The following ADGRL1 variants were observed in gnomAD, a reference collection of about 807,000 sequenced individuals.
The protein encoded by ADGRL1 is CIRL-1.
In ADGRL1, 31 loss-of-function variants were observed where a neutral mutation model predicts 148.9. The observed-to-expected ratio is 0.21, with a 90% CI of 0.16 to 0.28. The LOEUF is 0.28. Ranked by LOEUF, ADGRL1 falls within the 10% of genes least tolerant of loss-of-function variation. The pLI is 1.00. For synonymous variants in ADGRL1, 937 were observed against 900.3 expected (o/e 1.04, Z -0.73); for missense variants, 1,521 against 2,058.8 (o/e 0.74, Z 5.05).
At chr19:14,172,230 TG>T (rs1177599200) in intron 3 of ADGRL1, among the ~76,000 whole-genome samples, 1 of 152,162 alleles carries the variant, frequency 6.6e-6, no homozygotes, top group African/African-American at 2.4e-5. Flanking sequence ...GAAACCAGCC[TG>T]ACCAACATAG....
chr19:14,184,635 TTTA>T (rs1213421717), intron 1 of ADGRL1, among the ~76,000 whole-genome samples: 1 of 131,920 alleles, frequency 7.6e-6, no homozygotes, highest in African/African-American at 3.2e-5. Context: ...TATTTATTTA[TTTA>T]TTTATTTATT....
At chr19:14,190,332 TCA>T (rs1971849607) in intron 1 of ADGRL1, among the ~76,000 whole-genome samples, 1 of 152,192 alleles carries the variant, frequency 6.6e-6, no homozygotes, top group African/African-American at 2.4e-5. Context: ...AGTGGCACCA[TCA>T]AAGCTCACTG....
intron 4 of ADGRL1, among the ~76,000 whole-genome samples, chr19:14,166,815 G>A (rs559253050): frequency 1.3e-5 from 2 of 152,264 alleles, no homozygotes; most frequent in African/African-American, 2.4e-5. Flanking sequence ...AGGAGCTTCC[G>A]TGGGTATCTG....
In ADGRL1 at chr19:14,156,670, G is replaced by A; in HGVS notation, c.3021C>T (p.Ser1007=). Residue 1007 remains serine, a synonymous_variant, in exon 16 of 23, where the codon TCC becomes TCT. Transcript: ENST00000361434. The stretch of plus-strand genomic sequence containing the variant: ...CCTCCCAACTCACCACGATAACGAA[G>A]GAGACTGGCCCGATGAAACTCCAGA... The part of the protein sequence containing the change: ...YFIWSFIGPV[S]FVIVVNLVFL... The A allele has an allele frequency of 6.2e-7, 1 of 1,611,602 alleles. No homozygotes were observed. Among genetic ancestry groups the A allele is most frequent in the South Asian group, 1.1e-5 (1 of 90,682 alleles).
chr19:14,171,710 C>T (rs1040759937), intron 3 of ADGRL1, among the ~76,000 whole-genome samples: 12 of 152,170 alleles, frequency 7.9e-5, no homozygotes, highest in African/African-American at 1.7e-4. Context: ...ATAGCCAGGG[C>T]AGCCAGGAGA....
intron 4 of ADGRL1, among the ~76,000 whole-genome samples, chr19:14,166,582 AAGAGAGAGAG>A (rs3036177): frequency 6.8e-6 from 1 of 146,496 alleles, no homozygotes; most frequent in Non-Finnish European, 1.5e-5. Context: ...GAGAGAGAGA[AAGAGAGAGAG>A]AGAGAGAGAC....
chr19:14,151,618 G>A lies in ADGRL1; in HGVS notation c.3668-3C>T, dbSNP rs200443699. On this transcript the variant is annotated splice_polypyrimidine_tract_variant and splice_region_variant and intron_variant, in intron 22 of 22. Coordinates refer to ENST00000361434, the MANE Select transcript of ADGRL1 (RefSeq NM_014921.5). ...TTCCCGGCCTCCCAAGGGGTGCTCT[G>A]CAGGGCAGAAAGGGGCTGGTCAGGT... 18 of 1,590,120 alleles carry A rather than the reference G, an allele frequency of 1.1e-5. No homozygotes were observed. Among genetic ancestry groups the A allele is most frequent in the Non-Finnish European group, 1.4e-5 (16 of 1,174,216 alleles).
At chr19:14,204,935 C>T (rs1378364105) in intron 1 of ADGRL1, among the ~76,000 whole-genome samples, 1 of 152,020 alleles carries the variant, frequency 6.6e-6, no homozygotes, top group Non-Finnish European at 1.5e-5. Context: ...ACGCAGCTGG[C>T]ATGGCTGGGG....
chr19:14,190,767 G>T (rs1360795289), intron 1 of ADGRL1, among the ~76,000 whole-genome samples: 4 of 152,022 alleles, frequency 2.6e-5, no homozygotes, highest in Non-Finnish European at 5.9e-5. Flanking sequence ...TGTCCTCCAG[G>T]TTCATCCATT....
chr19:14,156,101 G>C lies in ADGRL1; in HGVS notation c.3125+9C>G, dbSNP rs781547320. 1.9e-6 allele frequency: 3 copies of C among 1,605,704 alleles called. No individual in the cohort carries two copies. Among genetic ancestry groups the C allele is most frequent in the Non-Finnish European group, 2.5e-6 (3 of 1,177,228 alleles). On this transcript the variant is annotated intron_variant, in intron 17 of 22. Coordinates refer to ENST00000361434, the MANE Select transcript of ADGRL1 (RefSeq NM_014921.5). The stretch of plus-strand genomic sequence containing the variant: ...GATGGGGCAGGGGGCAGGCAGGGGC[G>C]AGGCTCACTTAATGTTGTCCAGGCG...
intron 2 of ADGRL1, among the ~76,000 whole-genome samples, chr19:14,178,525 G>A (rs914559497): frequency 3.3e-5 from 5 of 151,890 alleles, no homozygotes; most frequent in Non-Finnish European, 5.9e-5. Context: ...GAGGGGGTGG[G>A]GCGTTGTTGT....
intron 4 of ADGRL1, chr19:14,169,113 A>G (rs888707199): frequency 6.6e-6 from 1 of 152,256 alleles, no homozygotes; most frequent in Non-Finnish European, 1.5e-5. Flanking sequence ...GGGCATTGGT[A>G]ATATTACTGA....
At position 14,156,939 on chromosome 19, in the gene ADGRL1, G is replaced by T; in HGVS notation, c.2952C>A (p.Tyr984Ter). 6.2e-7 allele frequency: 1 copy of T among 1,611,332 alleles called. No homozygotes were observed. Reference protein sequence around the residue: ...GIAAAIDYRSYGTEKACWLRV... With the variant: ...GIAAAIDYRS The stretch of plus-strand genomic sequence containing the variant: ...TGGAAACTCACGCCTTCTCGGTGCC[G>T]TAGCTGCGGTAGTCAATGGCAGCCG... Residue 984 changes from tyrosine (Y) to a stop codon, truncating the protein, a stop_gained, in exon 15 of 23, where the codon TAC (tyrosine) becomes TAA (stop). Transcript: ENST00000361434. LOFTEE classifies it high-confidence loss of function.
intron 11 of ADGRL1, 84 bp from the exon 12 acceptor site, chr19:14,158,636 A>G (rs1340056186): frequency 1.7e-6 from 2 of 1,158,818 alleles, no homozygotes; most frequent in Non-Finnish European, 1.3e-6. Flanking sequence ...CAGCTCAGCC[A>G]GCTCCTCAGC....
chr19:14,158,162 TG>T (rs1477008008), intron 12 of ADGRL1, 110 bp from the exon 13 acceptor site: 1 of 1,296,042 alleles, frequency 7.7e-7, no homozygotes, highest in East Asian at 2.3e-5. Flanking sequence ...AAGAAGTGCC[TG>T]GGGTCTGGGG....
chr19:14,186,157 C>T (rs575624264), intron 1 of ADGRL1, among the ~76,000 whole-genome samples: 1 of 152,320 alleles, frequency 6.6e-6, no homozygotes, highest in South Asian at 2.1e-4. Flanking sequence ...CTCCCAGGCT[C>T]AAGTGATCCT....
intron 1 of ADGRL1, among the ~76,000 whole-genome samples, chr19:14,200,436 G>C (rs1972524745): frequency 6.6e-6 from 1 of 152,164 alleles, no homozygotes; most frequent in South Asian, 2.1e-4. Context: ...CCATGGTCAG[G>C]CCCCCGCCTG....
In ADGRL1 at chr19:14,150,976, T is replaced by C. The variant is rs1254368232; in HGVS notation, c.4307A>G (p.Tyr1436Cys). 1 of 1,598,808 alleles carries C rather than the reference T, an allele frequency of 6.3e-7. No homozygotes were observed. The highest frequency in any genetic ancestry group is 8.5e-7 in the Non-Finnish European group (1 of 1,174,482). Residue 1436 changes from tyrosine to cysteine, a missense_variant, in exon 23 of 23, where the codon TAC becomes TGC. By Grantham distance (194) the Tyr-to-Cys change is radical. Transcript: ENST00000361434. ...CTCGTGGCTAGGACGCCGCACCTGG[T>C]AGTAGCCCTGCAGGGGATTCCGGGC... is the stretch of plus-strand genomic sequence containing the variant. ...LVARNPLQGY[Y>C]QVRRPSHEGY...
chr19:14,156,750 T>A (rs200311185), intron 15 of ADGRL1, 26 bp from the exon 16 acceptor site: 1 of 1,597,738 alleles, frequency 6.3e-7, no homozygotes, highest in Non-Finnish European at 8.5e-7. Context: ...GGCCGGGGTA[T>A]AGAGAGAAGC....
Sources: allele counts gnomAD v4.1 joint callset (sites outside exome capture counted in the v4.1 genomes callset), GRCh38; gene constraint gnomAD v4.1.1; transcripts MANE v1.5; gene names NCBI Gene and HGNC (gene_info 2026-07-23, HGNC 2026-07-21).